ZIM3: variants seen among roughly 807,000 people sequenced by gnomAD.
The protein encoded by ZIM3 is zinc finger protein 657.
A neutral mutation model predicts 12.9 loss-of-function variants in ZIM3; 11 were observed. That is an observed-to-expected ratio of 0.85 (90% CI 0.54 to 1.41). ZIM3 has a LOEUF of 1.41. ZIM3 is among the 40% of genes most tolerant of loss of function. The pLI is 0.00. For synonymous variants in ZIM3, 205 were observed against 198.5 expected (o/e 1.03, Z -0.28); for missense variants, 604 against 557.2 (o/e 1.08, Z -0.85).
intron 3 of ZIM3, among the ~76,000 whole-genome samples, chr19:57,137,910 GGAAGGAAGGAAA>G (rs2086894740): frequency 2.1e-5 from 1 of 48,534 alleles, no homozygotes; most frequent in African/African-American, 1.1e-4. Context: ...AAAGAAGGAA[GGAAGGAAGGAAA>G]GAAGGAAGGA....
At position 57,136,870 on chromosome 19, in the gene ZIM3, T is replaced by C; in HGVS notation, c.241+3A>G. The C allele has an allele frequency of 2.5e-6, 4 of 1,613,980 alleles. No individual in the cohort carries two copies. Among genetic ancestry groups the C allele is most frequent in the Non-Finnish European group, 3.4e-6 (4 of 1,179,884 alleles). On this transcript the variant is annotated splice_donor_region_variant and intron_variant, in intron 4 of 4. Transcript: ENST00000269834. ...GACCCACAGTGCTCTCCTGGTCACC[T>C]ACCTGCACGGCCACTTCCCAGCACT...
intron 3 of ZIM3, among the ~76,000 whole-genome samples, chr19:57,137,544 C>A (rs575135759): frequency 4.7e-4 from 72 of 151,592 alleles, no homozygotes; most frequent in African/African-American, 1.6e-3. Context: ...GAAACCCCAT[C>A]TGTGCAAAAA....
intron 2 of ZIM3, among the ~76,000 whole-genome samples, chr19:57,140,601 A>G (rs2086909516): frequency 6.6e-6 from 1 of 152,058 alleles, no homozygotes; most frequent in African/African-American, 2.4e-5. Flanking sequence ...CAGCCTCCAG[A>G]ATAGCTGGGA....
At chr19:57,142,142 CTTTT>C (rs35172118) in intron 2 of ZIM3, among the ~76,000 whole-genome samples, 20 of 112,422 alleles carry the variant, frequency 1.8e-4, no homozygotes, top group South Asian at 3.1e-4. Context: ...CGTAACCAAG[CTTTT>C]TTTTTTTTTT....
chr19:57,138,956 C>T (rs530789832), intron 2 of ZIM3, among the ~76,000 whole-genome samples: 7 of 151,872 alleles, frequency 4.6e-5, no homozygotes, highest in South Asian at 2.1e-4. Context: ...TTTGGGAGGC[C>T]GAGGCAGGAG....
intron 3 of ZIM3, among the ~76,000 whole-genome samples, chr19:57,137,215 C>T (rs7256529): frequency 0.68 from 102,813 of 151,992 alleles, 35,343 homozygotes; most frequent in East Asian, 0.93. Flanking sequence ...CTGGGTGTGG[C>T]GGCTCATGCC....
intron 1 of ZIM3, among the ~76,000 whole-genome samples, chr19:57,144,395 C>T (rs1325818861): frequency 6.6e-6 from 1 of 152,086 alleles, no homozygotes; most frequent in Non-Finnish European, 1.5e-5. Context: ...AAAGAATAAA[C>T]TTGCCGGGCA....
At position 57,135,082 on chromosome 19, in the gene ZIM3, A is replaced by G. The variant is rs1214026403; in HGVS notation, c.1255T>C (p.Tyr419His). ...GTTTTTCCACATTCACTACATCTATAGGTCCTCTCTCCGCTATGAGTTTTC... is the reference window on the plus strand; with the variant it reads ...GTTTTTCCACATTCACTACATCTATGGGTCCTCTCTCCGCTATGAGTTTTC... ...HQKTHSGERTYRCSECGKTFI... is the reference protein window; with the variant it reads ...HQKTHSGERTHRCSECGKTFI... Residue 419 changes from tyrosine to histidine, a missense_variant, in exon 5 of 5, where the codon TAT becomes CAT. Tyr to His is a moderately conservative substitution (Grantham distance 83). Coordinates refer to ENST00000269834, the MANE Select transcript of ZIM3 (RefSeq NM_052882.1). The G allele has an allele frequency of 3.7e-6, 6 of 1,614,064 alleles. No homozygotes were observed. The highest frequency in any genetic ancestry group is 1.3e-5 in the African/African-American group (1 of 74,910).
intron 1 of ZIM3, among the ~76,000 whole-genome samples, chr19:57,143,526 A>T (rs1348773720): frequency 6.6e-6 from 1 of 152,144 alleles, no homozygotes; most frequent in Non-Finnish European, 1.5e-5. Flanking sequence ...GGATGCAGAT[A>T]GCCCTTCAGC....
At chr19:57,138,624 A>G in intron 2 of ZIM3, 26 bp from the exon 3 acceptor site, 1 of 1,609,346 alleles carries the variant, frequency 6.2e-7, no homozygotes, top group Non-Finnish European at 8.5e-7. Flanking sequence ...CCCGATCAGT[A>G]TAAAAATGCC....
chr19:57,143,469 A>C (rs1464321410), intron 1 of ZIM3, among the ~76,000 whole-genome samples: 3 of 152,110 alleles, frequency 2.0e-5, no homozygotes, highest in Non-Finnish European at 4.4e-5. Flanking sequence ...GAAACCATGA[A>C]TCCTGAAGCA....
chr19:57,138,491 G>A lies in ZIM3; in HGVS notation c.123C>T (p.Tyr41=). The A allele has an allele frequency of 6.2e-7, 1 of 1,614,208 alleles. No homozygotes were observed. The highest frequency in any genetic ancestry group is 8.5e-7 in the Non-Finnish European group (1 of 1,180,052). The part of the protein sequence containing the change: ...NLYRDVMLEN[Y]SNLVSVGQGE... ...CCTTACCCACAGAGACAAGGTTGCT[G>A]TAATTCTCCAGCATCACATCCCTGT... Residue 41 remains tyrosine (Y), a synonymous_variant, in exon 3 of 5, where the codon TAC becomes TAT. Coordinates refer to ENST00000269834, the MANE Select transcript of ZIM3 (RefSeq NM_052882.1).
In ZIM3 at chr19:57,134,659, G is replaced by C; in HGVS notation, c.*259C>G. 2.4e-6 allele frequency: 1 copy of C among 421,158 alleles called. No homozygotes were observed. Among genetic ancestry groups the C allele is most frequent in the Non-Finnish European group, 4.2e-6 (1 of 237,134 alleles). The allele number at this position is 421,158 out of a possible 1,614,324, so 26.1% of individuals were successfully genotyped here. ...TTCACTGGAATAAAACTCCATCAGG[G>C]TTTTAGCACATTTGGTTTATTGCTA... On this transcript the variant is annotated 3_prime_UTR_variant, in exon 5 of 5. Coordinates refer to ENST00000269834, the MANE Select transcript of ZIM3 (RefSeq NM_052882.1).
In ZIM3 at chr19:57,135,861, G is replaced by A. The variant is rs147553820; in HGVS notation, c.476C>T (p.Pro159Leu). Reference sequence around the variant, plus strand: ...CAGTTGTTGTCCTACAAATTTGGATGGATTATTGCCAACTAATTTTCTGTA... The same window carrying A: ...CAGTTGTTGTCCTACAAATTTGGATAGATTATTGCCAACTAATTTTCTGTA... ...NGYRKLVGNN[P>L]SKFVGQQLKC... Residue 159 changes from proline to leucine, a missense_variant, in exon 5 of 5, where the codon CCA becomes CTA. Physicochemically the swap from Pro to Leu is moderately conservative, Grantham distance 98. Transcript: ENST00000269834. 154 of 1,614,024 alleles carry A rather than the reference G, an allele frequency of 9.5e-5. 1 individual carries two copies. The African/African-American group carries it at 1.5e-3, about 16-fold the overall frequency.
intron 2 of ZIM3, among the ~76,000 whole-genome samples, chr19:57,139,988 C>A (rs1034867067): frequency 6.6e-6 from 1 of 152,102 alleles, no homozygotes; most frequent in Non-Finnish European, 1.5e-5. Flanking sequence ...ACTGGACTTA[C>A]GGCAGCATTT....
rs774844677 is a variant in ZIM3, at chr19:57,135,503, G to A, written c.834C>T (p.Ser278=). 1 of 1,613,994 alleles carries A rather than the reference G, an allele frequency of 6.2e-7. No individual in the cohort carries two copies. Among genetic ancestry groups the A allele is most frequent in the Admixed American group, 1.7e-5 (1 of 59,986 alleles). ...ATTTCTCACATTCATTACACTGATAGGATTTCTTGGCATTATGAATTTTCT... is the reference window on the plus strand; with the variant it reads ...ATTTCTCACATTCATTACACTGATAAGATTTCTTGGCATTATGAATTTTCT... ...NHEKIHNAKK[S]YQCNECEKSF... Residue 278 remains serine, a synonymous_variant, in exon 5 of 5, where the codon TCC becomes TCT. Transcript: ENST00000269834.
chr19:57,137,920 AAAG>A (rs2086894945), intron 3 of ZIM3, among the ~76,000 whole-genome samples: 3 of 41,164 alleles, frequency 7.3e-5, no homozygotes, highest in African/African-American at 3.2e-4. Flanking sequence ...GGAAGGAAGG[AAAG>A]AAGGAAGGAA....
intron 1 of ZIM3, among the ~76,000 whole-genome samples, chr19:57,143,309 C>G (rs187341484): frequency 6.8e-6 from 1 of 146,168 alleles, no homozygotes; most frequent in African/African-American, 2.5e-5. Context: ...CCAGCCTGGG[C>G]GACAGAGCGA....
intron 3 of ZIM3, 121 bp downstream of exon 3, chr19:57,138,351 C>G (rs2122665115): frequency 6.9e-7 from 1 of 1,443,448 alleles, no homozygotes; most frequent in South Asian, 1.2e-5. Context: ...AGTCCCGGCT[C>G]TACAAAAACA....
Sources: allele counts gnomAD v4.1 joint callset (sites outside exome capture counted in the v4.1 genomes callset), GRCh38; gene constraint gnomAD v4.1.1; transcripts MANE v1.5; gene names NCBI Gene and HGNC (gene_info 2026-07-23, HGNC 2026-07-21).